Variants in NTM observed in about 807,000 individuals in gnomAD.
NTM encodes neurotrimin.
Under a neutral mutation model 42.1 loss-of-function variants are expected in NTM, and 13 were observed. The ratio of observed to expected loss-of-function variants is 0.31; its 90% CI spans 0.20 to 0.49. The LOEUF (loss-of-function observed/expected upper bound fraction) is 0.49, where lower values mean the gene tolerates loss of function less well. Among genes scored for constraint, NTM ranks in the 20% least tolerant of loss-of-function variants. The probability of loss-of-function intolerance (pLI) is 0.99; values close to 1 mark genes in which losing one functional copy is unlikely to be tolerated. For missense variants in NTM, 373 were observed against 452.8 expected (o/e 0.82, Z 1.60); for synonymous variants, 187 against 179.2 (o/e 1.04, Z -0.35).
intron 1 of NTM, among the ~76,000 whole-genome samples, chr11:131,493,638 G>A (rs976512380): frequency 1.3e-5 from 2 of 152,180 alleles, no homozygotes; most frequent in Non-Finnish European, 2.9e-5. Flanking sequence ...AAGCCACTCT[G>A]CAAGTTAGAT....
At position 132,308,652 on chromosome 11, in the gene NTM, G is replaced by A. The variant is rs73601204; in HGVS notation, c.661+829G>A. On this transcript the variant is annotated intron_variant, in intron 5 of 8. Coordinates refer to ENST00000683400, the MANE Select transcript of NTM (RefSeq NM_001352005.2). Reference sequence around the variant, plus strand: ...GACTTCCCTTCAAAACTTGGGTGGCGTGGAGTTAGGAGAAGGATACTGTAT... The same window carrying A: ...GACTTCCCTTCAAAACTTGGGTGGCATGGAGTTAGGAGAAGGATACTGTAT... 3.7e-3 allele frequency among the ~76,000 whole-genome samples: 558 copies of A among 151,978 alleles called. 3 individuals carry two copies. Among genetic ancestry groups the A allele is most frequent in the African/African-American group, 0.012 (506 of 41,456 alleles).
At chr11:132,236,792 G>C (rs533456233) in intron 4 of NTM, among the ~76,000 whole-genome samples, 2 of 152,316 alleles carry the variant, frequency 1.3e-5, no homozygotes, top group Non-Finnish European at 1.5e-5. Context: ...TCCCGGCATG[G>C]AGAATGGCTG....
At chr11:132,246,833 C>T (rs1372822377) in intron 4 of NTM, among the ~76,000 whole-genome samples, 2 of 152,224 alleles carry the variant, frequency 1.3e-5, no homozygotes, top group African/African-American at 4.8e-5. Flanking sequence ...GCCTTGAGAA[C>T]AAAGCTCAGC....
At chr11:131,387,167 C>G (rs999351524) in intron 1 of NTM, among the ~76,000 whole-genome samples, 1 of 152,156 alleles carries the variant, frequency 6.6e-6, no homozygotes, top group Non-Finnish European at 1.5e-5. Context: ...ACTGAATTAA[C>G]TGTGTGAAAA....
intron 1 of NTM, among the ~76,000 whole-genome samples, chr11:131,697,111 G>T (rs927140566): frequency 5.3e-5 from 8 of 152,168 alleles, no homozygotes; most frequent in Non-Finnish European, 1.2e-4. Context: ...TAATTGTCAG[G>T]CTCTTTGCTT....
chr11:131,432,348 C>A (rs1379368002), intron 1 of NTM, among the ~76,000 whole-genome samples: 3 of 152,154 alleles, frequency 2.0e-5, no homozygotes. Flanking sequence ...ATAATTATCT[C>A]ATTACAAATT....
At chr11:132,200,543 C>T (rs371178468) in intron 3 of NTM, among the ~76,000 whole-genome samples, 1 of 152,186 alleles carries the variant, frequency 6.6e-6, no homozygotes, top group East Asian at 1.9e-4. Context: ...GCATAATTCC[C>T]TGCTGCATAC....
chr11:131,620,745 C>T (rs977306525), intron 1 of NTM, among the ~76,000 whole-genome samples: 11 of 152,200 alleles, frequency 7.2e-5, no homozygotes, highest in African/African-American at 2.7e-4. Context: ...CCTGCACTGT[C>T]CTTCTTCATA....
intron 1 of NTM, among the ~76,000 whole-genome samples, chr11:131,760,833 C>A (rs2084052730): frequency 1.3e-5 from 2 of 152,116 alleles, no homozygotes; most frequent in African/African-American, 4.8e-5. Flanking sequence ...TTCCAGGGGA[C>A]GTTGGAGCGT....
At chr11:131,967,363 A>G (rs778545654) in intron 2 of NTM, among the ~76,000 whole-genome samples, 1 of 152,188 alleles carries the variant, frequency 6.6e-6, no homozygotes, top group Non-Finnish European at 1.5e-5. Context: ...CAACTGATAT[A>G]TACTTTTGGA....
At chr11:131,661,337 G>A (rs1386282904) in intron 1 of NTM, 1 of 174,104 alleles carries the variant, frequency 5.7e-6, no homozygotes, top group Non-Finnish European at 1.2e-5. Context: ...GAAGAAGTAG[G>A]GAAAAGTGTT....
At chr11:132,279,600 T>C (rs1025930383) in intron 4 of NTM, among the ~76,000 whole-genome samples, 1 of 152,238 alleles carries the variant, frequency 6.6e-6, no homozygotes, top group Non-Finnish European at 1.5e-5. Context: ...CTCTGATTTT[T>C]TGCACAGGCT....
chr11:132,053,283 G>A (rs183348597), intron 2 of NTM, among the ~76,000 whole-genome samples: 55 of 152,294 alleles, frequency 3.6e-4, no homozygotes, highest in Admixed American at 2.7e-3. Context: ...AGGCTTACCC[G>A]ATGCCAGGGC....
intron 1 of NTM, among the ~76,000 whole-genome samples, chr11:131,656,581 A>T (rs2067211292): frequency 6.6e-6 from 1 of 152,126 alleles, no homozygotes; most frequent in African/African-American, 2.4e-5. Flanking sequence ...TGTGTCACAG[A>T]TATACTGCTG....
chr11:131,740,942 C>G (rs937407660), intron 1 of NTM, among the ~76,000 whole-genome samples: 1 of 151,980 alleles, frequency 6.6e-6, no homozygotes, highest in Non-Finnish European at 1.5e-5. Flanking sequence ...CCGAGGCGTA[C>G]AGATCACAGG....
chr11:132,189,082 C>T (rs2078890159), intron 3 of NTM, among the ~76,000 whole-genome samples: 1 of 152,090 alleles, frequency 6.6e-6, no homozygotes, highest in South Asian at 2.1e-4. Context: ...TTTTCTGGTG[C>T]TGATGTTTGA....
At chr11:132,171,668 C>T (rs1262968591) in intron 3 of NTM, among the ~76,000 whole-genome samples, 3 of 152,146 alleles carry the variant, frequency 2.0e-5, no homozygotes, top group Non-Finnish European at 4.4e-5. Flanking sequence ...TGGAATGCCT[C>T]TATTTTCTCT....
intron 1 of NTM, among the ~76,000 whole-genome samples, chr11:131,382,536 C>A (rs185058687): frequency 1.4e-4 from 22 of 152,190 alleles, no homozygotes; most frequent in African/African-American, 5.1e-4. Context: ...CTTTTCCTTG[C>A]AGCTGAATAC....
In NTM at chr11:131,572,000, C is replaced by G. The variant is rs2057482945; in HGVS notation, c.82+201112C>G. ...ACAACAACCACAGCAATCTGAGACCCTGGTTGGGCCAATTTAAAAGAAATT... is the reference window on the plus strand; with the variant it reads ...ACAACAACCACAGCAATCTGAGACCGTGGTTGGGCCAATTTAAAAGAAATT... On this transcript the variant is annotated intron_variant, in intron 1 of 8. Transcript: ENST00000683400. Among the ~76,000 whole-genome samples, 3 of 152,204 alleles carry G rather than the reference C, an allele frequency of 2.0e-5. No homozygotes were observed. In the South Asian group the frequency reaches 6.2e-4, roughly 32 times the overall value.
Sources: gnomAD v4.1 joint callset for allele counts (sites outside exome capture counted in the v4.1 genomes callset) on GRCh38, gnomAD v4.1.1 for gene constraint, MANE v1.5 for transcripts, NCBI Gene and HGNC (gene_info 2026-07-23, HGNC 2026-07-21) for gene names.